The following GALC variants were observed in gnomAD, a reference collection of about 807,000 sequenced individuals.
The protein encoded by GALC is galactocerebrosidase.
A neutral mutation model predicts 91.8 loss-of-function variants in GALC; 77 were observed. The observed-to-expected ratio is 0.84, with a 90% CI of 0.70 to 1.01. The LOEUF (loss-of-function observed/expected upper bound fraction) is 1.01, where lower values mean the gene tolerates loss of function less well. Ranked by LOEUF, GALC falls within the 50% of genes least tolerant of loss-of-function variation. The pLI, the probability that GALC is intolerant of heterozygous loss-of-function variation, is 0.00. For synonymous variants in GALC, 357 were observed against 306.7 expected, an observed-to-expected ratio of 1.16 and a Z score of -1.71; for missense variants, 882 against 855.9, an observed-to-expected ratio of 1.03 and a Z score of -0.38.
chr14:87,939,762 G>A, intron 16 of GALC, 143 bp downstream of exon 16: 1 of 710,036 alleles, frequency 1.4e-6, no homozygotes, highest in Non-Finnish European at 2.6e-6. Flanking sequence ...TCCTAGGGAT[G>A]AGTGGCTTCC....
intron 1 of GALC, among the ~76,000 whole-genome samples, chr14:87,989,061 G>A (rs1887088984): frequency 6.6e-6 from 1 of 152,148 alleles, no homozygotes; most frequent in Non-Finnish European, 1.5e-5. Context: ...AAAGACAAGG[G>A]TAGACAGCGC....
At chr14:87,960,751 T>C (rs1885769887) in intron 10 of GALC, among the ~76,000 whole-genome samples, 1 of 152,086 alleles carries the variant, frequency 6.6e-6, no homozygotes, top group South Asian at 2.1e-4. Flanking sequence ...CAAAAAATAG[T>C]GCAGGGACAA....
intron 10 of GALC, among the ~76,000 whole-genome samples, chr14:87,961,363 A>G (rs1406043285): frequency 6.6e-6 from 1 of 152,208 alleles, no homozygotes; most frequent in Non-Finnish European, 1.5e-5. Flanking sequence ...TGCTGGTGGC[A>G]ATGTAAAATG....
chr14:87,986,574 A>G lies in GALC; in HGVS notation c.357T>C (p.Tyr119=), dbSNP rs1567012468. ...CTCGGAAATAATTCTCATCTAGTGC[A>G]TAATGCATGTGGGAGGGCTCAGTGC... ...TDGTEPSHMH[Y]ALDENYFRGY... is the part of the protein sequence containing the mutation. Residue 119 remains tyrosine (Y), a synonymous_variant, in exon 4 of 17, where the codon TAT becomes TAC. Transcript: ENST00000261304. 1 of 1,613,666 alleles carries G rather than the reference A, an allele frequency of 6.2e-7. No individual in the cohort carries two copies.
chr14:87,955,821 T>G (rs1885514632), intron 10 of GALC, among the ~76,000 whole-genome samples: 1 of 152,042 alleles, frequency 6.6e-6, no homozygotes, highest in East Asian at 1.9e-4. Flanking sequence ...TGTAGCAATC[T>G]GTTCTCTCAC....
At chr14:87,991,904 A>C (rs1887216829) in intron 1 of GALC, among the ~76,000 whole-genome samples, 1 of 152,232 alleles carries the variant, frequency 6.6e-6, no homozygotes, top group Non-Finnish European at 1.5e-5. Context: ...TCACTCCATG[A>C]AATATTGGCT....
At chr14:87,953,360 C>A in intron 10 of GALC, 1 of 1,417,720 alleles carries the variant, frequency 7.1e-7, no homozygotes, top group Non-Finnish European at 9.9e-7. Context: ...GAAGAGAATT[C>A]CATTCAACTT....
intron 10 of GALC, among the ~76,000 whole-genome samples, chr14:87,957,490 T>C (rs1055120857): frequency 6.6e-6 from 1 of 152,170 alleles, no homozygotes; most frequent in Non-Finnish European, 1.5e-5. Flanking sequence ...TATCCAATTT[T>C]CCCAGAACCA....
chr14:87,976,426 A>G lies in GALC; in HGVS notation c.684T>C (p.Asn228=). The G allele has an allele frequency of 6.2e-7, 1 of 1,613,718 alleles. No homozygotes were observed. The highest frequency in any genetic ancestry group is 8.5e-7 in the Non-Finnish European group (1 of 1,179,614). The change falls in exon 7 of 17, where the codon AAT becomes AAC. Residue 228 remains asparagine (N), a synonymous_variant. Transcript: ENST00000261304. ...LQRVKIIASD[N]LWESISASML... is the part of the protein sequence containing the mutation. ...TGGATGCAGAGATGGACTCCCAGAG[A>G]TTATCACTTGCTATGATTTTCACTC... is the stretch of plus-strand genomic sequence containing the variant.
intron 10 of GALC, 132 bp from the exon 11 acceptor site, chr14:87,950,880 C>T: frequency 3.2e-6 from 2 of 626,500 alleles, no homozygotes; most frequent in Non-Finnish European, 2.9e-6. Context: ...GTTTATTTCA[C>T]ATTTTTAAAG....
At chr14:87,993,355 T>C (rs1345788557), upstream of GALC, 4 of 1,535,458 alleles carry the variant, frequency 2.6e-6, no homozygotes, top group Non-Finnish European at 2.6e-6. Flanking sequence ...GTGTCTGTGG[T>C]CAGCTACTGG....
Position 87,982,074 on chromosome 14 carries a change from C to T in GALC, c.621+131G>A. 1.3e-5 allele frequency: 7 copies of T among 524,430 alleles called. No homozygotes were observed. In the South Asian group the frequency reaches 1.9e-4, roughly 15 times the overall value. 32.5% of individuals were successfully genotyped at this position (524,430 alleles called of 1,614,324 possible). A position where few individuals can be genotyped will look rare whatever the true frequency, so the allele number is the denominator to read the frequency against. On this transcript the variant is annotated intron_variant, in intron 6 of 16. Coordinates refer to ENST00000261304, the MANE Select transcript of GALC (RefSeq NM_000153.4). ...TGCTTGAATTTTATGTCACAACCAGCAAAATAAATAACTGTAGTATAAAAA... is the reference window on the plus strand; with the variant it reads ...TGCTTGAATTTTATGTCACAACCAGTAAAATAAATAACTGTAGTATAAAAA...
rs1375871159 is a variant in GALC at position 87,988,521 on chromosome 14, T to C, written c.198A>G (p.Ala66=). The stretch of plus-strand genomic sequence containing the variant: ...GGTAATTTACTAGAAGTCGGGAGGT[T>C]GCCTAAAAAAAAAAGTTTTCAAAAG... ...DGIGAVSGGG[A]TSRLLVNYPE... The change falls in exon 2 of 17, where the codon GCA becomes GCG. Residue 66 remains alanine (A), a splice_region_variant and synonymous_variant. Coordinates refer to ENST00000261304, the MANE Select transcript of GALC (RefSeq NM_000153.4). 3 of 1,610,314 alleles carry C rather than the reference T, an allele frequency of 1.9e-6. No individual in the cohort carries two copies. Among genetic ancestry groups the C allele is most frequent in the Non-Finnish European group, 2.5e-6 (3 of 1,176,794 alleles).
chr14:87,973,274 C>T (rs1312375283), intron 7 of GALC, among the ~76,000 whole-genome samples: 1 of 152,124 alleles, frequency 6.6e-6, no homozygotes, highest in Non-Finnish European at 1.5e-5. Flanking sequence ...GATAATTACA[C>T]TTCTGATATC....
rs1029890728 is a variant in GALC, at chr14:87,933,775, G to T, written c.*957C>A. ...GTATATTTAAATATAAACATATTTG[G>T]ACTTTAAAAAGTAAGTACATCTTAG... On this transcript the variant is annotated 3_prime_UTR_variant, in exon 17 of 17. Coordinates refer to ENST00000261304, the MANE Select transcript of GALC (RefSeq NM_000153.4). The T allele has an allele frequency of 6.9e-5, 35 of 504,506 alleles. No homozygotes were observed. The South Asian group carries it at 1.2e-3, about 17-fold the overall frequency. The allele number at this position is 504,506 out of a possible 1,614,324, so 31.3% of individuals were successfully genotyped here. A position where few individuals can be genotyped will look rare whatever the true frequency, so the allele number is the denominator to read the frequency against.
intron 3 of GALC, 91 bp downstream of exon 3, chr14:87,988,053 T>C (rs45507296): frequency 1.8e-5 from 17 of 968,302 alleles, no homozygotes; most frequent in South Asian, 7.8e-5. Flanking sequence ...AGTGTTGGTA[T>C]TGTTTACACA....
rs367958957 is a variant in GALC, at chr14:87,988,486, T to C, written c.233A>G (p.Tyr78Cys). The change falls in exon 2 of 17, where the codon TAT becomes TGT. Residue 78 changes from tyrosine to cysteine, a missense_variant. By Grantham distance (194) the Tyr-to-Cys change is radical. Transcript: ENST00000261304. ...GAGATAATCCAATATCTGAGAACGA[T>C]AGGGCTCTGGGTAATTTACTAGAAG... ...SRLLVNYPEPYRSQILDYLFK... is the reference protein window; with the variant it reads ...SRLLVNYPEPCRSQILDYLFK... The C allele has an allele frequency of 1.1e-5, 18 of 1,611,746 alleles. No individual in the cohort carries two copies. The highest frequency in any genetic ancestry group is 2.2e-5 in the South Asian group (2 of 91,028).
chr14:87,953,076 T>C (rs1885379694), intron 10 of GALC: 32 of 1,496,112 alleles, frequency 2.1e-5, no homozygotes, highest in Non-Finnish European at 3.0e-5. Flanking sequence ...ACAAAGAGAG[T>C]GTGTGCCAAC....
intron 4 of GALC, among the ~76,000 whole-genome samples, chr14:87,984,745 C>A (rs536568620): frequency 2.6e-5 from 4 of 152,190 alleles, no homozygotes; most frequent in East Asian, 1.9e-4. Context: ...AGAGTCAGGT[C>A]CCATAATTTC....
Sources: gnomAD v4.1 joint callset for allele counts (sites outside exome capture counted in the v4.1 genomes callset) on GRCh38, gnomAD v4.1.1 for gene constraint, MANE v1.5 for transcripts, NCBI Gene and HGNC (gene_info 2026-07-23, HGNC 2026-07-21) for gene names.